Variants in BCAR1 observed in about 807,000 individuals in gnomAD.
BCAR1 encodes the protein breast cancer anti-estrogen resistance protein 1.
BCAR1 carries 30 observed loss-of-function variants against 67.6 expected under a neutral mutation model. The observed-to-expected ratio is 0.44, with a 90% CI of 0.33 to 0.60. The LOEUF (loss-of-function observed/expected upper bound fraction) is 0.60. Ranked by LOEUF, BCAR1 falls within the 20% of genes least tolerant of loss-of-function variation. The pLI is 0.02. For synonymous variants in BCAR1, 626 were observed against 556.7 expected (o/e 1.12, Z -1.75); for missense variants, 1,313 against 1,222.3 (o/e 1.07, Z -1.11).
At chr16:75,240,998 T>C (rs994791299) in intron 2 of BCAR1, among the ~76,000 whole-genome samples, 7 of 152,190 alleles carry the variant, frequency 4.6e-5, no homozygotes, top group Non-Finnish European at 8.8e-5. Flanking sequence ...CAAGCTTCAC[T>C]GCAAAGGCGG....
At chr16:75,234,211 G>A (rs187518032) in intron 5 of BCAR1, among the ~76,000 whole-genome samples, 1,686 of 56,078 alleles carry the variant, frequency 0.03, 21 homozygotes, top group South Asian at 0.12. Context: ...ACTCCCCCAG[G>A]CTGGCATATG....
At chr16:75,264,373 G>A (rs1438570295) in intron 1 of BCAR1, 3 of 1,531,106 alleles carry the variant, frequency 2.0e-6, no homozygotes, top group Non-Finnish European at 1.7e-6. Flanking sequence ...AGGCTCAGGT[G>A]GTCCGCCTTG....
In BCAR1 at chr16:75,235,844, G is replaced by C. The variant is rs751244629; in HGVS notation, c.1055C>G (p.Pro352Arg). ...GTCCTCGGCCGGCGGGGAGTCTGGAGGGGGCGCAGCCAGTACCAGTGGGGT... is the reference window on the plus strand; with the variant it reads ...GTCCTCGGCCGGCGGGGAGTCTGGACGGGGCGCAGCCAGTACCAGTGGGGT... ...ARTPLVLAAP[P>R]PDSPPAEDVY... is the part of the protein sequence containing the mutation. The change falls in exon 5 of 7, where the codon CCT becomes CGT. Residue 352 changes from proline (P) to arginine (R), a missense_variant. Physicochemically the swap from Pro to Arg is moderately radical, Grantham distance 103 (BLOSUM62 -2). Transcript: ENST00000162330. 3 of 1,569,958 alleles carry C rather than the reference G, an allele frequency of 1.9e-6. No homozygotes were observed. Among genetic ancestry groups the C allele is most frequent in the African/African-American group, 1.3e-5 (1 of 74,102 alleles).
In BCAR1 at chr16:75,234,863, G is replaced by A. The variant is rs752310861; in HGVS notation, c.2010+26C>T. 3 of 1,518,780 alleles carry A rather than the reference G, an allele frequency of 2.0e-6. No homozygotes were observed. In the South Asian group the frequency reaches 3.9e-5, roughly 20 times the overall value. 94.1% of individuals were successfully genotyped at this position (1,518,780 alleles called of 1,614,324 possible). A position where few individuals can be genotyped will look rare whatever the true frequency, so the allele number is the denominator to read the frequency against. ...AGGAGCCCAGCGTGGCAGAAGAGGA[G>A]CCGGGGCTGGGCAGGCGGCACCCAC... On this transcript the variant is annotated intron_variant, in intron 5 of 6. Coordinates refer to ENST00000162330, the MANE Select transcript of BCAR1 (RefSeq NM_014567.5).
rs555581735 is a variant in BCAR1, at chr16:75,236,682, C to T, written c.912+200G>A. On this transcript the variant is annotated intron_variant, in intron 4 of 6. Coordinates refer to ENST00000162330, the MANE Select transcript of BCAR1 (RefSeq NM_014567.5). ...CTCATGGAGAAGGCCTCGCAACAGG[C>T]GGTTCTGCCGACAAAGAACCTGAGG... 1.6e-5 allele frequency: 18 copies of T among 1,104,920 alleles called. 1 individual carries two copies. The highest frequency in any genetic ancestry group is 3.1e-4 in the Middle Eastern group (1 of 3,182). The allele number at this position is 1,104,920 out of a possible 1,614,324, so 68.4% of individuals were successfully genotyped here.
At chr16:75,263,231 G>A in intron 1 of BCAR1, 1 of 964,252 alleles carries the variant, frequency 1.0e-6, no homozygotes, top group Non-Finnish European at 1.2e-6. Context: ...CTCTGCAGCT[G>A]GAAGCTGGCC....
chr16:75,229,530 C>T lies in BCAR1; in HGVS notation c.2594G>A (p.Gly865Asp). The change falls in exon 7 of 7, where the codon GGC becomes GAC. Residue 865 changes from glycine to aspartate, a missense_variant. Physicochemically the swap from Gly to Asp is moderately conservative, Grantham distance 94. Coordinates refer to ENST00000162330, the MANE Select transcript of BCAR1 (RefSeq NM_014567.5). ...CCACCCTCAGGCGGCTGCCAGCTGG[C>T]CTAGGACGCGGCGGAACTGCTGGGT... Reference protein sequence around the residue: ...HSTQQFRRVLGQLAAA With the variant: ...HSTQQFRRVLDQLAAA The T allele has an allele frequency of 6.3e-7, 1 of 1,589,096 alleles. No individual in the cohort carries two copies.
At chr16:75,245,304 AG>A (rs1031165222) in intron 1 of BCAR1, among the ~76,000 whole-genome samples, 1 of 152,248 alleles carries the variant, frequency 6.6e-6, no homozygotes, top group Non-Finnish European at 1.5e-5. Flanking sequence ...TGGTGACCAC[AG>A]GAAGTGCCAG....
intron 2 of BCAR1, among the ~76,000 whole-genome samples, chr16:75,241,082 A>G (rs11645191): frequency 0.64 from 97,036 of 152,252 alleles, 31,610 homozygotes; most frequent in Admixed American, 0.74. Context: ...GCATACGCAC[A>G]TACATTTGTA....
rs146127709 is a variant in BCAR1 at position 75,243,046 on chromosome 16, C to T, written c.57G>A (p.Pro19=). The change falls in exon 2 of 7, where the codon CCG becomes CCA. Residue 19 remains proline (P), a synonymous_variant. Transcript: ENST00000162330. Reference sequence around the variant, plus strand: ...CACCCTTGCGGAAGGAGAGCTCATCCGGGGACTCGGCCACATTGTCATAGA... The same window carrying T: ...CACCCTTGCGGAAGGAGAGCTCATCTGGGGACTCGGCCACATTGTCATAGA... ...KALYDNVAES[P]DELSFRKGDI... 2.5e-5 allele frequency: 41 copies of T among 1,608,344 alleles called. No individual in the cohort carries two copies. The highest frequency in any genetic ancestry group is 2.9e-5 in the Non-Finnish European group (34 of 1,175,976).
chr16:75,267,532 C>T (rs1436473346), intron 1 of BCAR1, among the ~76,000 whole-genome samples: 3 of 151,980 alleles, frequency 2.0e-5, no homozygotes, highest in African/African-American at 7.3e-5. Context: ...GGAGCAGCAG[C>T]TCTGCCTGGC....
At chr16:75,241,924 T>C (rs2077355362) in intron 2 of BCAR1, among the ~76,000 whole-genome samples, 1 of 152,116 alleles carries the variant, frequency 6.6e-6, no homozygotes, top group South Asian at 2.1e-4. Context: ...CTCAGGGCAG[T>C]CCTCCTCTAG....
At chr16:75,244,944 T>C (rs1357497828) in intron 1 of BCAR1, among the ~76,000 whole-genome samples, 2 of 152,238 alleles carry the variant, frequency 1.3e-5, no homozygotes, top group African/African-American at 4.8e-5. Flanking sequence ...ATGGAGATAG[T>C]TTCTCTTCCT....
intron 2 of BCAR1, among the ~76,000 whole-genome samples, chr16:75,240,093 G>A (rs2077286450): frequency 6.6e-6 from 1 of 152,184 alleles, no homozygotes; most frequent in African/African-American, 2.4e-5. Flanking sequence ...CGGGCCACCA[G>A]GCTCCCACCT....
intron 1 of BCAR1, chr16:75,263,801 T>G (rs1231895203): frequency 1.0e-6 from 1 of 987,742 alleles, no homozygotes; most frequent in African/African-American, 1.7e-5. Flanking sequence ...AGGGCAGGGC[T>G]TGAGCAGGCA....
intron 1 of BCAR1, chr16:75,245,925 C>A (rs571276103): frequency 6.9e-6 from 1 of 145,680 alleles, no homozygotes; most frequent in South Asian, 2.2e-4. Flanking sequence ...CATCTAGATC[C>A]TCTCTGCTGG....
At chr16:75,232,747 T>C (rs983804131) in intron 6 of BCAR1, among the ~76,000 whole-genome samples, 1 of 152,200 alleles carries the variant, frequency 6.6e-6, no homozygotes, top group Non-Finnish European at 1.5e-5. Context: ...AGTGTCTCCA[T>C]GTGCCAGGTA....
Position 75,235,373 on chromosome 16 carries a change from G to T in BCAR1, c.1526C>A (p.Ala509Asp). The T allele has an allele frequency of 1.2e-6, 2 of 1,601,298 alleles. No individual in the cohort carries two copies. Among genetic ancestry groups the T allele is most frequent in the Middle Eastern group, 1.7e-4 (1 of 6,036 alleles). The stretch of plus-strand genomic sequence containing the variant: ...CTCGTGGACGGCACTCTGGACAGCG[G>T]CCACAGCAGCCTGCAGGTCCTGCAC... ...PLVQDLQAAV[A>D]AVQSAVHELL... The change falls in exon 5 of 7, where the codon GCC (alanine) becomes GAC (aspartate). Residue 509 changes from alanine (A) to aspartate (D), a missense_variant. This residue lies in a region of BCAR1 where 1,272 missense variants were observed against 1,137.5 expected (regional missense o/e 1.12). Transcript: ENST00000162330.
chr16:75,234,073 GCACACACACACTAGCACACGTGGACACA>G (rs1482317491), intron 5 of BCAR1, 138 bp from the exon 6 acceptor site: 9 of 707,734 alleles, frequency 1.3e-5, no homozygotes, highest in African/African-American at 7.1e-5. Context: ...ACACGTGGAC[GCACACACACACTAGCACACGTGGACACA>G]CACACACACA....
Sources: allele counts gnomAD v4.1 joint callset (sites outside exome capture counted in the v4.1 genomes callset), GRCh38; gene constraint gnomAD v4.1.1; regional missense constraint gnomAD v4.1.1; transcripts MANE v1.5; gene names NCBI Gene and HGNC (gene_info 2026-07-23, HGNC 2026-07-21).